The following SCAPER variants were observed in gnomAD, a reference collection of about 807,000 sequenced individuals.
SCAPER encodes the protein S-phase cyclin A associated protein in the ER.
Under a neutral mutation model 182.2 loss-of-function variants are expected in SCAPER, and 98 were observed. That is an observed-to-expected ratio of 0.54 (90% CI 0.46 to 0.64). SCAPER has a LOEUF of 0.64. Among genes scored for constraint, SCAPER ranks in the 30% least tolerant of loss-of-function variants. The pLI is 0.00. For missense variants in SCAPER, 1,432 were observed against 1,690.0 expected (o/e 0.85, Z 2.68); for synonymous variants, 605 against 564.6 (o/e 1.07, Z -1.01).
chr15:76,753,972 C>A, intron 14 of SCAPER, 24 bp from the exon 15 acceptor site: 2 of 1,607,320 alleles, frequency 1.2e-6, no homozygotes, highest in Non-Finnish European at 1.7e-6. Context: ...ATCATCACAT[C>A]CTTAATTTCA....
chr15:76,709,382 C>T (rs2059443183), intron 17 of SCAPER, among the ~76,000 whole-genome samples: 2 of 152,154 alleles, frequency 1.3e-5, no homozygotes, highest in Non-Finnish European at 1.5e-5. Flanking sequence ...GATCCACACG[C>T]CTTGGCCTCC....
intron 24 of SCAPER, among the ~76,000 whole-genome samples, chr15:76,500,373 T>C (rs772155778): frequency 3.4e-4 from 52 of 152,214 alleles, no homozygotes; most frequent in Non-Finnish European, 1.2e-4. Context: ...CTTGTGTAAC[T>C]ATCAGAAATT....
At chr15:76,747,733 G>A (rs181053285) in intron 15 of SCAPER, among the ~76,000 whole-genome samples, 2 of 152,058 alleles carry the variant, frequency 1.3e-5, no homozygotes, top group Admixed American at 6.5e-5. Context: ...CCTCTTTCAC[G>A]ATGTGATCTG....
At chr15:76,765,767 G>T in intron 11 of SCAPER, 129 bp from the exon 12 acceptor site, 1 of 758,876 alleles carries the variant, frequency 1.3e-6, no homozygotes, top group Non-Finnish European at 2.2e-6. Context: ...TGAAAACCAG[G>T]AAAAAGGTAC....
At chr15:76,393,297 C>A (rs969537049) in intron 27 of SCAPER, among the ~76,000 whole-genome samples, 2 of 152,174 alleles carry the variant, frequency 1.3e-5, no homozygotes, top group Admixed American at 1.3e-4. Flanking sequence ...AGGGAGATAG[C>A]CCACATGAAA....
intron 2 of SCAPER, among the ~76,000 whole-genome samples, chr15:76,878,688 G>A (rs996717719): frequency 1.3e-5 from 2 of 152,100 alleles, no homozygotes; most frequent in Non-Finnish European, 2.9e-5. Context: ...AGGACTTTGG[G>A]AGGCCAAGGC....
At chr15:76,619,042 G>A (rs2051766695) in intron 22 of SCAPER, among the ~76,000 whole-genome samples, 1 of 152,160 alleles carries the variant, frequency 6.6e-6, no homozygotes, top group African/African-American at 2.4e-5. Flanking sequence ...ATGGGGTTCT[G>A]CCATGATGGT....
chr15:76,606,345 T>C (rs1271243598), intron 22 of SCAPER, among the ~76,000 whole-genome samples: 1 of 152,270 alleles, frequency 6.6e-6, no homozygotes, highest in African/African-American at 2.4e-5. Flanking sequence ...GTGAGTTTCT[T>C]AACCCTGAGT....
chr15:76,565,560 T>C (rs1050320618), intron 23 of SCAPER, among the ~76,000 whole-genome samples: 4 of 152,068 alleles, frequency 2.6e-5, no homozygotes, highest in African/African-American at 7.2e-5. Context: ...GAAAAAGGAA[T>C]GCTTATACAC....
chr15:76,669,290 T>G (rs1226690299), intron 20 of SCAPER, among the ~76,000 whole-genome samples: 1 of 152,180 alleles, frequency 6.6e-6, no homozygotes, highest in African/African-American at 2.4e-5. Context: ...AATATTTTCT[T>G]TGATAAACTA....
At chr15:76,582,237 C>T (rs1257794250) in intron 22 of SCAPER, among the ~76,000 whole-genome samples, 2 of 152,106 alleles carry the variant, frequency 1.3e-5, no homozygotes, top group African/African-American at 4.8e-5. Context: ...ACTATTAGAA[C>T]TAATAAACAA....
At chr15:76,720,456 A>G (rs1357260343) in intron 17 of SCAPER, among the ~76,000 whole-genome samples, 13 of 152,178 alleles carry the variant, frequency 8.5e-5, no homozygotes, top group Non-Finnish European at 1.5e-4. Context: ...TAATGGGACG[A>G]CTGGGTCAAA....
intron 22 of SCAPER, among the ~76,000 whole-genome samples, chr15:76,582,141 C>A (rs1021832356): frequency 6.6e-6 from 1 of 152,000 alleles, no homozygotes; most frequent in African/African-American, 2.4e-5. Context: ...TGAAGGGCAT[C>A]CAAATTGAAA....
At chr15:76,857,367 AG>A (rs2071481055) in intron 4 of SCAPER, among the ~76,000 whole-genome samples, 2 of 151,536 alleles carry the variant, frequency 1.3e-5, no homozygotes, top group African/African-American at 4.8e-5. Context: ...CAAGAGGAAG[AG>A]GGTTCAGTGA....
At chr15:76,425,540 G>A (rs912621659) in intron 26 of SCAPER, among the ~76,000 whole-genome samples, 17 of 152,114 alleles carry the variant, frequency 1.1e-4, no homozygotes, top group African/African-American at 2.6e-4. Flanking sequence ...AAGGTTTTTC[G>A]CTTTTTTGCA....
chr15:76,670,052 C>T (rs925023567), intron 20 of SCAPER, among the ~76,000 whole-genome samples: 8 of 152,096 alleles, frequency 5.3e-5, no homozygotes, highest in South Asian at 2.1e-4. Context: ...ACATACAAAA[C>T]CACATACATC....
chr15:76,779,971 G>A (rs1419942785), intron 8 of SCAPER, among the ~76,000 whole-genome samples: 1 of 152,206 alleles, frequency 6.6e-6, no homozygotes, highest in Non-Finnish European at 1.5e-5. Context: ...GATCGACGCA[G>A]AAGAAAGGAT....
chr15:76,705,967 A>C lies in SCAPER; in HGVS notation c.2183T>G (p.Leu728Trp). ...RERARDREERLAALTAAQQEA... is the reference protein window; with the variant it reads ...RERARDREERWAALTAAQQEA... ...TTGTTGAGCAGCTGTGAGTGCTGCC[A>C]ATCGTTCTTCCCTGTCTCTGTAAGA... The change falls in exon 18 of 32, where the codon TTG becomes TGG. Residue 728 changes from leucine to tryptophan, a missense_variant. Leu to Trp is a moderately conservative substitution (Grantham distance 61, BLOSUM62 -2). This residue lies in a region of SCAPER where 718 missense variants were observed against 799.7 expected (regional missense o/e 0.90). Coordinates refer to ENST00000563290, the MANE Select transcript of SCAPER (RefSeq NM_020843.4). The C allele has an allele frequency of 6.4e-7, 1 of 1,558,630 alleles. No individual in the cohort carries two copies.
At chr15:76,428,851 G>C (rs925038215) in intron 26 of SCAPER, among the ~76,000 whole-genome samples, 7 of 82,880 alleles carry the variant, frequency 8.4e-5, no homozygotes, top group African/African-American at 3.6e-4. Flanking sequence ...TAGGTATCCT[G>C]ATCAGATCAT....
Sources: allele counts gnomAD v4.1 joint callset (sites outside exome capture counted in the v4.1 genomes callset), GRCh38; gene constraint gnomAD v4.1.1; regional missense constraint gnomAD v4.1.1; transcripts MANE v1.5; gene names NCBI Gene and HGNC (gene_info 2026-07-23, HGNC 2026-07-21).